ACADM: variants seen among roughly 807,000 people sequenced by gnomAD.
The protein encoded by ACADM is medium-chain specific acyl-CoA dehydrogenase, mitochondrial.
In ACADM, 49 loss-of-function variants were observed where a neutral mutation model predicts 58.9. The ratio of observed to expected loss-of-function variants is 0.83; its 90% CI spans 0.66 to 1.06. ACADM has a LOEUF of 1.06. Among genes scored for constraint, ACADM ranks in the 50% least tolerant of loss-of-function variants. The pLI is 0.00. For synonymous variants in ACADM, 160 were observed against 157.7 expected, an observed-to-expected ratio of 1.01 and a Z score of -0.11; for missense variants, 496 against 507.0, an observed-to-expected ratio of 0.98 and a Z score of 0.21.
At chr1:75,734,963 A>G (rs1297232916) in intron 6 of ACADM, 92 bp downstream of exon 6, 7 of 970,474 alleles carry the variant, frequency 7.2e-6, no homozygotes, top group Non-Finnish European at 1.1e-5. Flanking sequence ...ATATTGGGAT[A>G]TTTAGCATTG....
intron 5 of ACADM, 107 bp downstream of exon 5, chr1:75,733,735 A>G (rs1439686027): frequency 1.4e-5 from 13 of 912,220 alleles, no homozygotes; most frequent in South Asian, 2.7e-5. Flanking sequence ...GTCAGTTACT[A>G]CTAGGTAAGG....
chr1:75,737,281 TATATATATATATA>T (rs1357722713), intron 6 of ACADM, among the ~76,000 whole-genome samples: 230 of 20,106 alleles, frequency 0.011, 11 homozygotes, highest in African/African-American at 0.024. Context: ...CACACACAAA[TATATATATATATA>T]TATATATATA....
At chr1:75,731,332 CA>C (rs140641296) in intron 2 of ACADM, among the ~76,000 whole-genome samples, 7,277 of 146,414 alleles carry the variant, frequency 0.05, 270 homozygotes, top group African/African-American at 0.11. Context: ...CTCTTCAATT[CA>C]GCACCAGAAT....
intron 10 of ACADM, among the ~76,000 whole-genome samples, chr1:75,756,046 T>G (rs555772667): frequency 6.6e-6 from 1 of 152,266 alleles, no homozygotes; most frequent in East Asian, 1.9e-4. Flanking sequence ...CTCAATAAAC[T>G]AGGTATTGAT....
At chr1:75,742,244 G>A (rs1213131316) in intron 7 of ACADM, among the ~76,000 whole-genome samples, 3 of 150,474 alleles carry the variant, frequency 2.0e-5, no homozygotes, top group Non-Finnish European at 4.4e-5. Context: ...CCTCAGGCCT[G>A]GATGCAGTTG....
At chr1:75,732,819 A>G (rs1470515141) in intron 3 of ACADM, 34 bp from the exon 4 acceptor site, 1 of 1,609,224 alleles carries the variant, frequency 6.2e-7, no homozygotes, top group Non-Finnish European at 8.5e-7. Flanking sequence ...TCTGGATTTC[A>G]AAATATATTT....
rs1365556006 is a variant in ACADM, at chr1:75,746,598, A to ATTAT, written c.708+686_708+687insATTT. Among the ~76,000 whole-genome samples the ATTAT allele has an allele frequency of 7.7e-3, 1,078 of 140,468 alleles. 8 individuals are homozygous for ATTAT. Among genetic ancestry groups the ATTAT allele is most frequent in the African/African-American group, 0.027 (1,033 of 38,016 alleles). 92.2% of individuals were successfully genotyped at this position (140,468 alleles called of 152,430 possible). ...GGAAAGAAATGAAGTCAATAAAGTA[A>ATTAT]TTTTTTTTTTTTTTTTTTGAGACAG... On this transcript the variant is annotated intron_variant, in intron 8 of 11. Coordinates refer to ENST00000370841, the MANE Select transcript of ACADM (RefSeq NM_000016.6).
At chr1:75,756,945 C>T (rs982083045) in intron 10 of ACADM, among the ~76,000 whole-genome samples, 12 of 152,044 alleles carry the variant, frequency 7.9e-5, no homozygotes, top group Non-Finnish European at 1.6e-4. Flanking sequence ...ACCTGACAAA[C>T]ACAAGAAATG....
In ACADM at chr1:75,750,721, G is replaced by A; in HGVS notation, c.945+175G>A. 5 of 659,178 alleles carry A rather than the reference G, an allele frequency of 7.6e-6. No homozygotes were observed. In the South Asian group the frequency reaches 8.3e-5, roughly 11 times the overall value. The allele number at this position is 659,178 out of a possible 1,614,324, so 40.8% of individuals were successfully genotyped here. A position where few individuals can be genotyped will look rare whatever the true frequency, so the allele number is the denominator to read the frequency against. Reference sequence around the variant, plus strand: ...TTCTTTTTAGAGTGTGCCACTATTGGTTACTTCTGAACCTGACACTGTGCT... The same window carrying A: ...TTCTTTTTAGAGTGTGCCACTATTGATTACTTCTGAACCTGACACTGTGCT... On this transcript the variant is annotated intron_variant, in intron 10 of 11. Transcript: ENST00000370841.
intron 11 of ACADM, 94 bp from the exon 12 acceptor site, chr1:75,762,598 T>G (rs1165845367): frequency 1.2e-6 from 1 of 821,264 alleles, no homozygotes; most frequent in East Asian, 2.6e-5. Flanking sequence ...GGTTTTATAT[T>G]ACAACACAGC....
rs547606133 is a variant in ACADM at position 75,758,655 on chromosome 1, CCAAT to C, written c.946-2464_946-2461del. Among the ~76,000 whole-genome samples, 1,222 of 152,250 alleles carry C rather than the reference CCAAT, an allele frequency of 8.0e-3. 4 individuals carry two copies. Among genetic ancestry groups the C allele is most frequent in the Non-Finnish European group, 0.012 (848 of 68,010 alleles). On this transcript the variant is annotated intron_variant, in intron 10 of 11. Coordinates refer to ENST00000370841, the MANE Select transcript of ACADM (RefSeq NM_000016.6). Reference sequence around the variant, plus strand: ...GTCTAGCTAAAGGATTGTAAACACACCAATCAGTGCTCTGTAAAAATGCACCAAT... The same window carrying C: ...GTCTAGCTAAAGGATTGTAAACACACCAGTGCTCTGTAAAAATGCACCAAT...
intron 1 of ACADM, among the ~76,000 whole-genome samples, chr1:75,727,772 G>T (rs923107803): frequency 2.0e-5 from 3 of 152,116 alleles, no homozygotes; most frequent in Non-Finnish European, 4.4e-5. Flanking sequence ...ACTTAGATCT[G>T]CTGTGAAAGC....
At chr1:75,743,557 C>T in intron 7 of ACADM, 1 of 1,595,402 alleles carries the variant, frequency 6.3e-7, no homozygotes, top group Non-Finnish European at 8.6e-7. Context: ...CTCTACCTTG[C>T]CTCCTATAGC....
chr1:75,759,800 T>C (rs1379959869), intron 10 of ACADM, among the ~76,000 whole-genome samples: 1 of 151,898 alleles, frequency 6.6e-6, no homozygotes, highest in African/African-American at 2.4e-5. Context: ...TAGCTGGTAT[T>C]ACAAGCATGT....
At chr1:75,751,080 G>A (rs1369934235) in intron 10 of ACADM, among the ~76,000 whole-genome samples, 2 of 149,516 alleles carry the variant, frequency 1.3e-5, no homozygotes, top group Non-Finnish European at 3.0e-5. Flanking sequence ...GGTGGATCAC[G>A]CCTGTAATCC....
chr1:75,724,796 G>T lies in ACADM; in HGVS notation c.9G>T (p.Ala3=). Residue 3 remains alanine, a synonymous_variant, in exon 1 of 12, where the codon GCG becomes GCT. Transcript: ENST00000370841. The part of the protein sequence containing the change: MA[A]GFGRCCRVLR... ...CCGGAACGGGAGCCAACATGGCAGC[G>T]GGGTTCGGGCGATGCTGCAGGGTGA... The T allele has an allele frequency of 6.6e-7, 1 of 1,522,312 alleles. No homozygotes were observed. The highest frequency in any genetic ancestry group is 8.8e-7 in the Non-Finnish European group (1 of 1,132,870). 94.3% of individuals were successfully genotyped at this position (1,522,312 alleles called of 1,614,324 possible). A position where few individuals can be genotyped will look rare whatever the true frequency, so the allele number is the denominator to read the frequency against.
At chr1:75,750,187 G>A (rs1052508417) in intron 9 of ACADM, among the ~76,000 whole-genome samples, 45 of 152,066 alleles carry the variant, frequency 3.0e-4, no homozygotes, top group African/African-American at 1.1e-3. Flanking sequence ...TACTCATTAA[G>A]AACATTTCCC....
intron 1 of ACADM, among the ~76,000 whole-genome samples, chr1:75,726,145 C>T (rs1190159164): frequency 1.3e-5 from 2 of 152,194 alleles, no homozygotes; most frequent in Non-Finnish European, 2.9e-5. Flanking sequence ...CGGCGGCTCA[C>T]GGTTGTGATC....
chr1:75,738,912 C>CT (rs1409741172), intron 6 of ACADM, among the ~76,000 whole-genome samples: 2 of 152,132 alleles, frequency 1.3e-5, no homozygotes, highest in African/African-American at 4.8e-5. Context: ...TTTAAGAGCT[C>CT]TAAGAGGCTC....
Sources: gnomAD v4.1 joint callset for allele counts (sites outside exome capture counted in the v4.1 genomes callset) on GRCh38, gnomAD v4.1.1 for gene constraint, MANE v1.5 for transcripts, NCBI Gene and HGNC (gene_info 2026-07-23, HGNC 2026-07-21) for gene names.